Variants in MAF observed in about 807,000 individuals in gnomAD.
The protein encoded by MAF is MAF bZIP transcription factor, also known as transcription factor Maf.
A neutral mutation model predicts 22.0 loss-of-function variants in MAF; 10 were observed. The observed-to-expected ratio is 0.45, with a 90% confidence interval of 0.28 to 0.77. The LOEUF (loss-of-function observed/expected upper bound fraction) is 0.77, where lower values mean the gene tolerates loss of function less well. Among genes scored for constraint, MAF ranks in the 30% least tolerant of loss-of-function variants. MAF has a pLI of 0.12. For missense variants in MAF, 544 were observed against 548.4 expected, an observed-to-expected ratio of 0.99 and a Z score of 0.08; for synonymous variants, 337 against 255.8, an observed-to-expected ratio of 1.32 and a Z score of -3.03.
the MAF span, among the ~76,000 whole-genome samples, chr16:79,417,537 G>T: frequency 1.3e-5 from 2 of 152,130 alleles, no homozygotes; most frequent in African/African-American, 2.4e-5. Flanking sequence ...CTCAAAGTGG[G>T]CTTCCTGCAC....
At chr16:79,528,000 G>T in the MAF span, among the ~76,000 whole-genome samples, 2 of 152,164 alleles carry the variant, frequency 1.3e-5, no homozygotes, top group South Asian at 2.1e-4. Context: ...AAAATTAGCC[G>T]GGCGTGTTGG....
chr16:79,540,517 C>T, the MAF span, among the ~76,000 whole-genome samples: 1 of 152,160 alleles, frequency 6.6e-6, no homozygotes, highest in African/African-American at 2.4e-5. Flanking sequence ...GGACTGGGTC[C>T]ATCACAGGGG....
the MAF span, among the ~76,000 whole-genome samples, chr16:79,553,204 G>T: frequency 1.3e-5 from 2 of 152,210 alleles, no homozygotes; most frequent in Non-Finnish European, 1.5e-5. Context: ...AACAGCTCTG[G>T]GTCTCTTTTG....
At chr16:79,350,866 A>AGTGT in the MAF span, among the ~76,000 whole-genome samples, 10,979 of 148,410 alleles carry the variant, frequency 0.074, 407 homozygotes, top group African/African-American at 0.11. Context: ...AACAGTGAGA[A>AGTGT]GTGTGTGTGT....
At chr16:79,284,492 G>C in the MAF span, among the ~76,000 whole-genome samples, 1 of 152,280 alleles carries the variant, frequency 6.6e-6, no homozygotes, top group South Asian at 2.1e-4. Flanking sequence ...GCTCATTGCA[G>C]ACGCCTAACA....
the MAF span, among the ~76,000 whole-genome samples, chr16:79,467,399 A>G: frequency 6.6e-6 from 1 of 152,164 alleles, no homozygotes; most frequent in Non-Finnish European, 1.5e-5. Context: ...TTGAGTGCTT[A>G]TTGTATATCA....
chr16:79,512,636 T>G, the MAF span, among the ~76,000 whole-genome samples: 7 of 152,290 alleles, frequency 4.6e-5, no homozygotes, highest in East Asian at 1.4e-3. Context: ...GGTGAGGGTG[T>G]GCCGTTTATG....
At chr16:79,594,809 C>A in intron 1 of MAF, 1 of 1,269,002 alleles carries the variant, frequency 7.9e-7, no homozygotes, top group Non-Finnish European at 1.0e-6. Context: ...AGTTAACCTT[C>A]TCTTACAGCC....
chr16:79,557,087 G>T, the MAF span, among the ~76,000 whole-genome samples: 1 of 151,154 alleles, frequency 6.6e-6, no homozygotes, highest in Non-Finnish European at 1.5e-5. Context: ...CTACAGGCTC[G>T]CACCACAGCA....
chr16:79,563,891 G>C, the MAF span, among the ~76,000 whole-genome samples: 2 of 152,178 alleles, frequency 1.3e-5, no homozygotes, highest in Admixed American at 6.5e-5. Context: ...CATCCAAAAA[G>C]TATCATCCAA....
the MAF span, among the ~76,000 whole-genome samples, chr16:79,468,762 C>A: frequency 6.6e-6 from 1 of 152,116 alleles, no homozygotes; most frequent in Non-Finnish European, 1.5e-5. Flanking sequence ...TAAGATAATC[C>A]AGGGGGCAGA....
the MAF span, among the ~76,000 whole-genome samples, chr16:79,440,713 C>T: frequency 7.5e-4 from 115 of 152,332 alleles, no homozygotes; most frequent in African/African-American, 2.6e-3. Context: ...ACTCAGCCAA[C>T]CTCATCTAAT....
At chr16:79,500,003 G>C in the MAF span, among the ~76,000 whole-genome samples, 1 of 152,164 alleles carries the variant, frequency 6.6e-6, no homozygotes, top group Non-Finnish European at 1.5e-5. Flanking sequence ...ACATAGAGAG[G>C]TTATATAAAG....
the MAF span, among the ~76,000 whole-genome samples, chr16:79,345,725 T>A: frequency 1.5e-4 from 2 of 13,298 alleles, no homozygotes; most frequent in African/African-American, 2.2e-4. Context: ...AGACTCCGTC[T>A]CAAAAAAAAA....
At chr16:79,554,655 G>A in the MAF span, among the ~76,000 whole-genome samples, 6 of 152,128 alleles carry the variant, frequency 3.9e-5, no homozygotes, top group African/African-American at 1.4e-4. Flanking sequence ...ATGCTCATGA[G>A]AAAAGACAAT....
At chr16:79,429,817 G>C in the MAF span, among the ~76,000 whole-genome samples, 6 of 152,216 alleles carry the variant, frequency 3.9e-5, no homozygotes, top group East Asian at 1.2e-3. Flanking sequence ...GCCTGGTGCT[G>C]TGGTGTACGC....
the MAF span, among the ~76,000 whole-genome samples, chr16:79,340,226 T>C: frequency 2.6e-5 from 4 of 151,986 alleles, no homozygotes; most frequent in Non-Finnish European, 5.9e-5. Flanking sequence ...TAAGCAGAGA[T>C]AACAGGAGAG....
the MAF span, among the ~76,000 whole-genome samples, chr16:79,533,201 C>G: frequency 6.6e-6 from 1 of 152,190 alleles, no homozygotes; most frequent in Non-Finnish European, 1.5e-5. Context: ...GGGCTCTACT[C>G]TTCTTATCAA....
At chr16:79,490,279 A>G in the MAF span, among the ~76,000 whole-genome samples, 1 of 152,176 alleles carries the variant, frequency 6.6e-6, no homozygotes, top group Non-Finnish European at 1.5e-5. Flanking sequence ...TCGTCTTGAT[A>G]GAATAGCCAG....
Sources: gnomAD v4.1 joint callset for allele counts (sites outside exome capture counted in the v4.1 genomes callset) on GRCh38, gnomAD v4.1.1 for gene constraint, MANE v1.5 for transcripts, NCBI Gene and HGNC (gene_info 2026-07-23, HGNC 2026-07-21) for gene names.